KIAA1217: variants seen among roughly 807,000 people sequenced by gnomAD.
KIAA1217 encodes the protein KIAA1217.
KIAA1217 carries 88 observed loss-of-function variants against 163.9 expected under a neutral mutation model. The ratio of observed to expected loss-of-function variants is 0.54; its 90% CI spans 0.45 to 0.64. The LOEUF is 0.64. Among genes scored for constraint, KIAA1217 ranks in the 30% least tolerant of loss-of-function variants. KIAA1217 has a pLI of 0.00. For missense variants in KIAA1217, 2,372 were observed against 2,475.0 expected (o/e 0.96, Z 0.88); for synonymous variants, 903 against 923.1 (o/e 0.98, Z 0.39).
intron 2 of KIAA1217, among the ~76,000 whole-genome samples, chr10:24,339,642 G>A (rs1011807281): frequency 1.6e-4 from 24 of 152,348 alleles, no homozygotes; most frequent in African/African-American, 5.8e-4. Context: ...TCTCTATTAG[G>A]TATCATTATC....
chr10:24,301,611 A>G (rs1244064564), intron 2 of KIAA1217, among the ~76,000 whole-genome samples: 2 of 152,150 alleles, frequency 1.3e-5, no homozygotes, highest in Non-Finnish European at 1.5e-5. Flanking sequence ...TCATCCCCAG[A>G]TCACTTCAGC....
chr10:24,499,298 A>T (rs1038695846), intron 8 of KIAA1217, among the ~76,000 whole-genome samples: 1 of 152,256 alleles, frequency 6.6e-6, no homozygotes, highest in Non-Finnish European at 1.5e-5. Flanking sequence ...TGGTACTTTC[A>T]TAGTTGGAGA....
At chr10:24,085,510 C>T (rs545774783) in intron 2 of KIAA1217, among the ~76,000 whole-genome samples, 5 of 152,268 alleles carry the variant, frequency 3.3e-5, no homozygotes, top group South Asian at 2.1e-4. Context: ...TTCTAGCCCA[C>T]GGCCACCAAT....
At chr10:24,081,603 A>T (rs761841553) in intron 2 of KIAA1217, among the ~76,000 whole-genome samples, 7 of 152,188 alleles carry the variant, frequency 4.6e-5, no homozygotes, top group Non-Finnish European at 8.8e-5. Context: ...AATGGTCTGC[A>T]CAGTCTAAAA....
rs527828273 is a variant in KIAA1217 at position 24,063,879 on chromosome 10, A to C, written c.-171+56505A>C. Among the ~76,000 whole-genome samples the C allele has an allele frequency of 3.3e-5, 5 of 152,254 alleles. No homozygotes were observed. The South Asian group carries it at 1.0e-3, about 32-fold the overall frequency. ...CACATCCCTTGTAAGTTGGATTCCT[A>C]GGTATTCTATTCCCTTTGAAGCAAT... On this transcript the variant is annotated intron_variant, in intron 2 of 18. Coordinates refer to the KIAA1217 transcript ENST00000376462.
intron 6 of KIAA1217, among the ~76,000 whole-genome samples, chr10:24,490,944 G>C (rs1253424860): frequency 6.6e-6 from 1 of 152,182 alleles, no homozygotes; most frequent in Non-Finnish European, 1.5e-5. Flanking sequence ...GGTACCTGGA[G>C]TGCATATAGC....
At chr10:24,484,224 C>CATATATATATATATATAT (rs1170144059) in intron 6 of KIAA1217, among the ~76,000 whole-genome samples, 49 of 90,500 alleles carry the variant, frequency 5.4e-4, no homozygotes, top group South Asian at 3.7e-3. Context: ...GATAGATATA[C>CATATATATATATATATAT]ATATATATAT....
In KIAA1217 at chr10:24,049,421, G is replaced by C. The variant is rs561307308; in HGVS notation, c.-171+42047G>C. On this transcript the variant is annotated intron_variant, in intron 2 of 18. Coordinates refer to the KIAA1217 transcript ENST00000376462. Reference sequence around the variant, plus strand: ...CTCTATTTATTTATTTATTTTTATTGTTATACTTTAAGTTCTGGGGTACAT... The same window carrying C: ...CTCTATTTATTTATTTATTTTTATTCTTATACTTTAAGTTCTGGGGTACAT... Among the ~76,000 whole-genome samples the C allele has an allele frequency of 4.6e-5, 7 of 152,058 alleles. No homozygotes were observed. In the East Asian group the frequency reaches 1.4e-3, roughly 29 times the overall value.
chr10:23,738,124 G>C (rs1838913829), intron 1 of KIAA1217, among the ~76,000 whole-genome samples: 2 of 152,100 alleles, frequency 1.3e-5, no homozygotes, highest in Non-Finnish European at 1.5e-5. Flanking sequence ...ATATGGAAAA[G>C]AAAAGTATAG....
intron 2 of KIAA1217, among the ~76,000 whole-genome samples, chr10:24,314,389 C>T (rs1564455915): frequency 3.3e-5 from 5 of 152,140 alleles, no homozygotes; most frequent in Admixed American, 2.0e-4. Flanking sequence ...CCCCTCAGCT[C>T]AGCACAGTTG....
At chr10:23,821,076 G>A (rs1380607959) in intron 1 of KIAA1217, among the ~76,000 whole-genome samples, 1 of 150,758 alleles carries the variant, frequency 6.6e-6, no homozygotes, top group African/African-American at 2.5e-5. Context: ...ATCTTCATGG[G>A]CTTAATTTTC....
intron 2 of KIAA1217, among the ~76,000 whole-genome samples, chr10:24,294,915 A>AT (rs995748410): frequency 6.6e-6 from 1 of 152,096 alleles, no homozygotes; most frequent in African/African-American, 2.4e-5. Flanking sequence ...AAATGACAAT[A>AT]TTTTCTACTG....
intron 2 of KIAA1217, among the ~76,000 whole-genome samples, chr10:24,072,585 T>G (rs540806150): frequency 6.6e-6 from 1 of 152,162 alleles, no homozygotes; most frequent in African/African-American, 2.4e-5. Flanking sequence ...GTGTGTTGCC[T>G]AACAAATGCG....
intron 2 of KIAA1217, among the ~76,000 whole-genome samples, chr10:24,167,137 A>G (rs1444876992): frequency 6.6e-6 from 1 of 152,068 alleles, no homozygotes; most frequent in Non-Finnish European, 1.5e-5. Context: ...ATGACAGTCA[A>G]CTGGTAAGAT....
At chr10:24,268,608 G>A (rs1419363681) in intron 2 of KIAA1217, among the ~76,000 whole-genome samples, 1 of 110,346 alleles carries the variant, frequency 9.1e-6, no homozygotes, top group South Asian at 2.8e-4. Flanking sequence ...TACACTGTTG[G>A]TGGGACTGTA....
intron 1 of KIAA1217, among the ~76,000 whole-genome samples, chr10:23,747,389 G>C (rs74846241): frequency 2.6e-5 from 4 of 152,110 alleles, no homozygotes; most frequent in Non-Finnish European, 5.9e-5. Context: ...GTCTCTCAGA[G>C]GTTTTATGAA....
At chr10:24,093,011 T>C (rs1165363069) in intron 2 of KIAA1217, among the ~76,000 whole-genome samples, 3 of 151,126 alleles carry the variant, frequency 2.0e-5, no homozygotes, top group Non-Finnish European at 4.4e-5. Context: ...AGACTTTTTT[T>C]TAGACAAGGT....
intron 2 of KIAA1217, among the ~76,000 whole-genome samples, chr10:24,340,583 C>T (rs2046967057): frequency 6.6e-6 from 1 of 152,120 alleles, no homozygotes; most frequent in Non-Finnish European, 1.5e-5. Flanking sequence ...CTGCAGTTCC[C>T]TCCACCCGCA....
chr10:24,139,445 C>T lies in KIAA1217; in HGVS notation c.-170-80181C>T, dbSNP rs192546705. ...CGATCATCTATATGTCTTTCTGTAT[C>T]AGTGCCAAAATATTCTAATTATTAT... is the stretch of plus-strand genomic sequence containing the variant. On this transcript the variant is annotated intron_variant, in intron 2 of 18. Coordinates refer to the KIAA1217 transcript ENST00000376462. 5.3e-5 allele frequency among the ~76,000 whole-genome samples: 8 copies of T among 152,188 alleles called. No individual in the cohort carries two copies. The East Asian group carries it at 1.5e-3, about 29-fold the overall frequency.
Sources: gnomAD v4.1 joint callset for allele counts (sites outside exome capture counted in the v4.1 genomes callset) on GRCh38, gnomAD v4.1.1 for gene constraint, MANE v1.5 for transcripts, NCBI Gene and HGNC (gene_info 2026-07-23, HGNC 2026-07-21) for gene names.